The following ARHGAP6 variants were observed in gnomAD, a reference collection of about 807,000 sequenced individuals.
ARHGAP6 encodes the protein rho GTPase-activating protein 6.
Under a neutral mutation model 55.7 loss-of-function variants are expected in ARHGAP6, and 16 were observed. That is an observed-to-expected ratio of 0.29 (90% CI 0.19 to 0.44). The LOEUF (loss-of-function observed/expected upper bound fraction) is 0.44. ARHGAP6 is among the 20% of genes least tolerant of loss of function. The pLI, the probability that ARHGAP6 is intolerant of heterozygous loss-of-function variation, is 1.00. For synonymous variants in ARHGAP6, 382 were observed against 360.9 expected (o/e 1.06, Z -0.66); for missense variants, 698 against 808.9 (o/e 0.86, Z 1.66).
chrX:11,365,863 A>G (rs1206906413), intron 1 of ARHGAP6, among the ~76,000 whole-genome samples: 2 of 112,254 alleles, frequency 1.8e-5, no homozygotes, highest in African/African-American at 6.5e-5. Flanking sequence ...CTTGGCTGCC[A>G]AAACAAAATA....
intron 1 of ARHGAP6, among the ~76,000 whole-genome samples, chrX:11,282,842 T>A (rs1183333762): frequency 8.9e-6 from 1 of 112,256 alleles, no homozygotes; most frequent in East Asian, 2.8e-4. Flanking sequence ...GAAACACTGC[T>A]TCTAAATTGA....
At chrX:11,351,622 T>C in intron 1 of ARHGAP6, 1 of 748,027 alleles carries the variant, frequency 1.3e-6, no homozygotes, top group Non-Finnish European at 1.6e-6. Context: ...TTCCCATAAA[T>C]GTTACAAAGA....
At chrX:11,263,904 G>T (rs770726327) in intron 1 of ARHGAP6, among the ~76,000 whole-genome samples, 1 of 111,686 alleles carries the variant, frequency 9.0e-6, no homozygotes, top group East Asian at 2.8e-4. Context: ...TAGCCGGGGA[G>T]CCAAGTACTG....
chrX:11,582,290 C>G (rs1026267889), intron 1 of ARHGAP6, among the ~76,000 whole-genome samples: 7 of 111,260 alleles, frequency 6.3e-5, no homozygotes, highest in African/African-American at 2.3e-4. Context: ...GATACTTTTG[C>G]TAACTGTGAA....
chrX:11,370,127 GAAGA>G (rs1420375680), intron 1 of ARHGAP6, among the ~76,000 whole-genome samples: 10 of 112,356 alleles, frequency 8.9e-5, no homozygotes, highest in Admixed American at 1.9e-4. Context: ...AGAATTACCA[GAAGA>G]AAGAGAATGA....
At chrX:11,343,167 T>C (rs765971857) in intron 1 of ARHGAP6, among the ~76,000 whole-genome samples, 18 of 112,683 alleles carry the variant, frequency 1.6e-4, no homozygotes, top group Non-Finnish European at 3.2e-4. Flanking sequence ...TAAGCACTTA[T>C]GTATAATTTG....
chrX:11,649,989 T>C (rs1163148786), intron 1 of ARHGAP6, among the ~76,000 whole-genome samples: 1 of 106,229 alleles, frequency 9.4e-6, no homozygotes, highest in African/African-American at 3.3e-5. Context: ...CAACTTTCTT[T>C]TCTTTTTTTT....
chrX:11,303,458 C>G (rs759621010), intron 1 of ARHGAP6, among the ~76,000 whole-genome samples: 25 of 111,633 alleles, frequency 2.2e-4, no homozygotes, highest in African/African-American at 7.5e-4. Context: ...CATTTGGGTT[C>G]GAAACATTTA....
chrX:11,591,896 G>C (rs925926801), intron 1 of ARHGAP6, among the ~76,000 whole-genome samples: 1 of 111,460 alleles, frequency 9.0e-6, no homozygotes, highest in Non-Finnish European at 1.9e-5. Context: ...TTGGGGGTAG[G>C]GAAATAGTAT....
intron 2 of ARHGAP6, among the ~76,000 whole-genome samples, chrX:11,214,542 G>A (rs2046850574): frequency 8.9e-6 from 1 of 112,434 alleles, no homozygotes; most frequent in African/African-American, 3.2e-5. Context: ...TTAGGGCAGG[G>A]TCCCCTGGCA....
At chrX:11,336,441 T>C (rs768478010) in intron 1 of ARHGAP6, among the ~76,000 whole-genome samples, 1 of 111,748 alleles carries the variant, frequency 8.9e-6, no homozygotes, top group Non-Finnish European at 1.9e-5. Context: ...ACATAGTCAC[T>C]GAGCATGAAG....
chrX:11,340,241 A>G (rs929904186), intron 1 of ARHGAP6, among the ~76,000 whole-genome samples: 1 of 111,663 alleles, frequency 9.0e-6, no homozygotes, highest in African/African-American at 3.3e-5. Context: ...AGCTCTGCCT[A>G]TCTATCTACA....
At chrX:11,208,375 A>G (rs1372104902) in intron 2 of ARHGAP6, among the ~76,000 whole-genome samples, 2 of 111,757 alleles carry the variant, frequency 1.8e-5, no homozygotes, top group Admixed American at 9.5e-5. Flanking sequence ...AAGAGGAGCC[A>G]AATTCTAGGC....
At chrX:11,189,322 TAC>T (rs1401512311) in intron 3 of ARHGAP6, among the ~76,000 whole-genome samples, 4 of 111,937 alleles carry the variant, frequency 3.6e-5, no homozygotes, top group Admixed American at 2.8e-4. Context: ...TTATAAAAGG[TAC>T]AGTCCTTTCT....
intron 1 of ARHGAP6, among the ~76,000 whole-genome samples, chrX:11,553,283 C>G (rs2051289316): frequency 9.1e-6 from 1 of 109,293 alleles, no homozygotes; most frequent in Admixed American, 9.7e-5. Flanking sequence ...ACTCTATCAC[C>G]CAGGCTGGAA....
chrX:11,529,719 A>G (rs924164902), intron 1 of ARHGAP6, among the ~76,000 whole-genome samples: 1 of 111,960 alleles, frequency 8.9e-6, no homozygotes, highest in African/African-American at 3.2e-5. Flanking sequence ...TAAGAGAAGA[A>G]TAACTCTGAT....
chrX:11,329,775 T>C (rs2048540141), intron 1 of ARHGAP6, among the ~76,000 whole-genome samples: 1 of 112,302 alleles, frequency 8.9e-6, no homozygotes, highest in Non-Finnish European at 1.9e-5. Context: ...TACACAAACC[T>C]ACTACACACC....
chrX:11,301,588 G>T (rs2048175808), intron 1 of ARHGAP6, among the ~76,000 whole-genome samples: 1 of 111,754 alleles, frequency 8.9e-6, no homozygotes, highest in South Asian at 3.7e-4. Flanking sequence ...TTTATTGGGA[G>T]GGTGTCAATA....
intron 8 of ARHGAP6, among the ~76,000 whole-genome samples, chrX:11,174,132 A>T (rs772954373): frequency 5.4e-5 from 6 of 110,804 alleles, no homozygotes; most frequent in Non-Finnish European, 1.1e-4. Context: ...ATAATAAATA[A>T]CTCCTCTCTT....
Sources: allele counts gnomAD v4.1 joint callset (sites outside exome capture counted in the v4.1 genomes callset), GRCh38; gene constraint gnomAD v4.1.1; transcripts MANE v1.5; gene names NCBI Gene and HGNC (gene_info 2026-07-23, HGNC 2026-07-21).